PPP2CA: variants seen among roughly 807,000 people sequenced by gnomAD.
PPP2CA encodes the protein protein phosphatase 2 catalytic subunit alpha, also known as serine/threonine-protein phosphatase 2A catalytic subunit alpha isoform.
A neutral mutation model predicts 38.8 loss-of-function variants in PPP2CA; 5 were observed. The ratio of observed to expected loss-of-function variants is 0.13; its 90% confidence interval spans 0.07 to 0.27. PPP2CA has a LOEUF of 0.27. Among genes scored for constraint, PPP2CA ranks in the 10% least tolerant of loss-of-function variants. The pLI, the probability that PPP2CA is intolerant of heterozygous loss-of-function variation, is 1.00. For synonymous variants in PPP2CA, 152 were observed against 134.0 expected, an observed-to-expected ratio of 1.13 and a Z score of -0.93; for missense variants, 88 against 389.7, an observed-to-expected ratio of 0.23 and a Z score of 6.52.
chr5:134,207,827 C>T (rs762786995), intron 1 of PPP2CA, among the ~76,000 whole-genome samples: 1 of 152,264 alleles, frequency 6.6e-6, no homozygotes, highest in East Asian at 1.9e-4. Flanking sequence ...GAATTACAGG[C>T]GTTAGCCACT....
At chr5:134,222,122 C>T (rs1762459518) in intron 1 of PPP2CA, among the ~76,000 whole-genome samples, 1 of 152,176 alleles carries the variant, frequency 6.6e-6, no homozygotes, top group Admixed American at 6.5e-5. Flanking sequence ...TTAGAATCCA[C>T]AAGCCTTGGC....
At position 134,200,498 on chromosome 5, in the gene PPP2CA, T is replaced by TA. The variant is rs779623237; in HGVS notation, c.577-3dup. ...CCACAGCAAGTCACACATTGGACCCTAAAAAATAACTTCAAGTTATAAAAT... is the reference window on the plus strand; with the variant it reads ...CCACAGCAAGTCACACATTGGACCCTAAAAAAATAACTTCAAGTTATAAAAT... On this transcript the variant is annotated splice_region_variant and splice_polypyrimidine_tract_variant and intron_variant, in intron 4 of 6. Coordinates refer to ENST00000481195, the MANE Select transcript of PPP2CA (RefSeq NM_002715.4). 1.2e-6 allele frequency: 2 copies of TA among 1,604,694 alleles called. No homozygotes were observed. Among genetic ancestry groups the TA allele is most frequent in the South Asian group, 1.1e-5 (1 of 89,086 alleles).
intron 1 of PPP2CA, among the ~76,000 whole-genome samples, chr5:134,224,847 A>G (rs1256306891): frequency 6.6e-6 from 1 of 152,278 alleles, no homozygotes; most frequent in Non-Finnish European, 1.5e-5. Context: ...TGTCTGGAAT[A>G]CAATCTCAGT....
chr5:134,225,212 G>T (rs1367331915), intron 1 of PPP2CA, among the ~76,000 whole-genome samples: 2 of 152,196 alleles, frequency 1.3e-5, no homozygotes, highest in African/African-American at 2.4e-5. Context: ...CCCTTACCTT[G>T]ATTTCTGGAG....
intron 2 of PPP2CA, 179 bp from the exon 3 acceptor site, chr5:134,202,200 T>C (rs1761982048): frequency 1.9e-6 from 1 of 537,420 alleles, no homozygotes; most frequent in African/African-American, 2.0e-5. Flanking sequence ...CATGGGGTGT[T>C]TGCCCACCTC....
intron 1 of PPP2CA, among the ~76,000 whole-genome samples, chr5:134,216,255 G>A (rs1208803488): frequency 3.9e-5 from 6 of 152,036 alleles, no homozygotes; most frequent in Non-Finnish European, 7.4e-5. Flanking sequence ...AAGTGGTTTC[G>A]GGTGGGCACG....
chr5:134,201,720 A>T (rs1761970520), intron 3 of PPP2CA, 128 bp downstream of exon 3: 1 of 1,041,826 alleles, frequency 9.6e-7, no homozygotes, highest in Non-Finnish European at 1.4e-6. Context: ...AGTTTGAATG[A>T]ATGCTATCAA....
intron 1 of PPP2CA, among the ~76,000 whole-genome samples, chr5:134,210,715 C>T (rs1292673823): frequency 6.6e-6 from 1 of 152,102 alleles, no homozygotes; most frequent in Non-Finnish European, 1.5e-5. Flanking sequence ...CACTTGTAAT[C>T]CTAGCTACTC....
intron 1 of PPP2CA, among the ~76,000 whole-genome samples, chr5:134,221,882 T>C (rs979907110): frequency 3.3e-5 from 5 of 150,004 alleles, no homozygotes; most frequent in Non-Finnish European, 4.4e-5. Flanking sequence ...GCAGGAGAAC[T>C]GCTTGAACCT....
chr5:134,205,157 T>A (rs1762051744), intron 2 of PPP2CA, among the ~76,000 whole-genome samples: 1 of 152,092 alleles, frequency 6.6e-6, no homozygotes, highest in African/African-American at 2.4e-5. Flanking sequence ...GGTCACAAAC[T>A]CTTGGACTCA....
At chr5:134,207,815 C>T (rs530999274) in intron 1 of PPP2CA, among the ~76,000 whole-genome samples, 4 of 152,190 alleles carry the variant, frequency 2.6e-5, no homozygotes, top group South Asian at 2.1e-4. Context: ...TCCCAAAGTG[C>T]TGAATTACAG....
intron 1 of PPP2CA, among the ~76,000 whole-genome samples, chr5:134,213,793 G>C (rs1762259923): frequency 6.6e-6 from 1 of 151,986 alleles, no homozygotes; most frequent in Non-Finnish European, 1.5e-5. Context: ...ATAAATAAAA[G>C]CACAAAATGA....
chr5:134,200,808 T>G (rs1378926674), intron 4 of PPP2CA, among the ~76,000 whole-genome samples, 177 bp downstream of exon 4: 1 of 152,226 alleles, frequency 6.6e-6, no homozygotes, highest in Non-Finnish European at 1.5e-5. Flanking sequence ...ACAGCTGTTG[T>G]GATCTTGGCA....
chr5:134,218,412 C>A (rs907107952), intron 1 of PPP2CA, among the ~76,000 whole-genome samples: 2 of 152,196 alleles, frequency 1.3e-5, no homozygotes, highest in Admixed American at 6.5e-5. Context: ...ATCCTTAAAG[C>A]CCTATGTCTC....
chr5:134,213,409 C>T (rs1460296184), intron 1 of PPP2CA, among the ~76,000 whole-genome samples: 1 of 112,972 alleles, frequency 8.9e-6, no homozygotes, highest in Admixed American at 8.8e-5. Context: ...CTGAGACCTA[C>T]TGCTCAGAAA....
chr5:134,199,506 C>G (rs1761929378), intron 5 of PPP2CA: 1 of 229,138 alleles, frequency 4.4e-6, no homozygotes, highest in Admixed American at 5.3e-5. Context: ...ATGTATCTGC[C>G]TTGCTGTAAA....
At position 134,217,179 on chromosome 5, in the gene PPP2CA, C is replaced by G. The variant is rs1440405568; in HGVS notation, c.102+8581G>C. ...CCTGTAATCCCAGCTACCCGGGAGG[C>G]TGGGGCAGGAGAATTGCTTGAATCT... On this transcript the variant is annotated intron_variant, in intron 1 of 6. Coordinates refer to ENST00000481195, the MANE Select transcript of PPP2CA (RefSeq NM_002715.4). Among the ~76,000 whole-genome samples, 3 of 152,054 alleles carry G rather than the reference C, an allele frequency of 2.0e-5. No individual in the cohort carries two copies. In the South Asian group the frequency reaches 6.2e-4, roughly 31 times the overall value.
chr5:134,197,130 G>A lies in PPP2CA; in HGVS notation c.*642C>T, dbSNP rs1761869912. 1 of 152,556 alleles carries A rather than the reference G, an allele frequency of 6.6e-6. No homozygotes were observed. The highest frequency in any genetic ancestry group is 2.1e-4 in the South Asian group (1 of 4,828). The allele number at this position is 152,556 out of a possible 1,614,324, so 9.5% of individuals were successfully genotyped here. The stretch of plus-strand genomic sequence containing the variant: ...CAAGTTTATTATGAAAAACACTGCA[G>A]TGCTCTTGTGCAGTCACATCGTCTT... On this transcript the variant is annotated 3_prime_UTR_variant, in exon 7 of 7. Transcript: ENST00000481195.
At position 134,197,792 on chromosome 5, in the gene PPP2CA, T is replaced by A; in HGVS notation, c.910A>T (p.Thr304Ser). 6.2e-7 allele frequency: 1 copy of A among 1,614,084 alleles called. No homozygotes were observed. Among genetic ancestry groups the A allele is most frequent in the Non-Finnish European group, 8.5e-7 (1 of 1,179,962 alleles). The change falls in exon 7 of 7, where the codon ACC (threonine) becomes TCC (serine). Residue 304 changes from threonine (T) to serine (S), a missense_variant. By Grantham distance (58) the Thr-to-Ser change is moderately conservative. Transcript: ENST00000481195. ...RRGEPHVTRRTPDYFL is the reference protein window; with the variant it reads ...RRGEPHVTRRSPDYFL ...TTTCATTACAGGAAGTAGTCTGGGG[T>A]ACGACGAGTAACATGTGGCTCGCCT...
Sources: allele counts gnomAD v4.1 joint callset (sites outside exome capture counted in the v4.1 genomes callset), GRCh38; gene constraint gnomAD v4.1.1; transcripts MANE v1.5; gene names NCBI Gene and HGNC (gene_info 2026-07-23, HGNC 2026-07-21).